DOCK5: variants seen among roughly 807,000 people sequenced by gnomAD.
DOCK5 encodes the protein dedicator of cytokinesis 5.
In DOCK5, 142 loss-of-function variants were observed where a neutral mutation model predicts 251.8. The observed-to-expected ratio is 0.56, with a 90% CI of 0.49 to 0.65. The LOEUF (loss-of-function observed/expected upper bound fraction) is 0.65. Among genes scored for constraint, DOCK5 ranks in the 30% least tolerant of loss-of-function variants. The probability of loss-of-function intolerance (pLI) is 0.00; values close to 1 mark genes in which losing one functional copy is unlikely to be tolerated. For synonymous variants in DOCK5, 842 were observed against 835.5 expected (o/e 1.01, Z -0.13); for missense variants, 2,111 against 2,312.3 (o/e 0.91, Z 1.79).
At chr8:25,343,981 G>C (rs1030061440) in intron 25 of DOCK5, among the ~76,000 whole-genome samples, 4 of 151,964 alleles carry the variant, frequency 2.6e-5, no homozygotes, top group African/African-American at 9.7e-5. Flanking sequence ...AATTTTTTTT[G>C]TAATCTTAGT....
intron 1 of DOCK5, among the ~76,000 whole-genome samples, chr8:25,205,629 A>G (rs1172023605): frequency 1.3e-5 from 2 of 152,192 alleles, no homozygotes; most frequent in African/African-American, 4.8e-5. Flanking sequence ...CATCAGATAC[A>G]TGCCTTTAGC....
intron 1 of DOCK5, among the ~76,000 whole-genome samples, chr8:25,213,229 C>T (rs550006619): frequency 3.9e-4 from 60 of 151,956 alleles, no homozygotes; most frequent in Admixed American, 9.8e-4. Context: ...CAGCCTCAGC[C>T]TCAAATGAAT....
In DOCK5 at chr8:25,205,032, A is replaced by T. The variant is rs112514887; in HGVS notation, c.43+20081A>T. Among the ~76,000 whole-genome samples, 323 of 102,814 alleles carry T rather than the reference A, an allele frequency of 3.1e-3. 2 individuals are homozygous for T. Among genetic ancestry groups the T allele is most frequent in the African/African-American group, 6.9e-3 (243 of 35,028 alleles). 67.4% of individuals were successfully genotyped at this position (102,814 alleles called of 152,430 possible). Reference sequence around the variant, plus strand: ...TCATGAGGGGATTAGTGCTTTTTTTAAAAAAAATTATTTTTAAAAATGTCT... The same window carrying T: ...TCATGAGGGGATTAGTGCTTTTTTTTAAAAAAATTATTTTTAAAAATGTCT... On this transcript the variant is annotated intron_variant, in intron 1 of 51. Transcript: ENST00000276440.
intron 50 of DOCK5, 124 bp downstream of exon 50, chr8:25,409,064 C>T (rs997877639): frequency 1.2e-5 from 17 of 1,391,860 alleles, no homozygotes; most frequent in African/African-American, 2.9e-5. Context: ...GGTTCAATTT[C>T]GTGTTCGTGT....
chr8:25,369,780 T>C lies in DOCK5; in HGVS notation c.3524+139T>C, dbSNP rs1245398572. The C allele has an allele frequency of 7.7e-6, 5 of 653,254 alleles. No individual in the cohort carries two copies. The African/African-American group carries it at 9.2e-5, about 12-fold the overall frequency. The allele number at this position is 653,254 out of a possible 1,614,324, so 40.5% of individuals were successfully genotyped here. The stretch of plus-strand genomic sequence containing the variant: ...ACCCCCACTGTGGTCTTCAGTATGG[T>C]TATGGGGTGTATACTGTCCACAGCT... On this transcript the variant is annotated intron_variant, in intron 34 of 51. Coordinates refer to ENST00000276440, the MANE Select transcript of DOCK5 (RefSeq NM_024940.8).
At chr8:25,371,676 G>A (rs1800875465) in intron 34 of DOCK5, among the ~76,000 whole-genome samples, 2 of 152,076 alleles carry the variant, frequency 1.3e-5, no homozygotes, top group Admixed American at 1.3e-4. Flanking sequence ...ATGAAGTTAT[G>A]CACATATACA....
intron 26 of DOCK5, among the ~76,000 whole-genome samples, chr8:25,350,072 TAGGATG>T (rs1201696366): frequency 6.6e-6 from 1 of 152,154 alleles, no homozygotes; most frequent in Non-Finnish European, 1.5e-5. Flanking sequence ...GTGTCGGTTA[TAGGATG>T]AGCAAGTTCT....
Position 25,228,321 on chromosome 8 carries a change from A to G in DOCK5, c.44-15353A>G, listed in dbSNP as rs78527990. Among the ~76,000 whole-genome samples, 106 of 152,342 alleles carry G rather than the reference A, an allele frequency of 7.0e-4. 1 individual carries two copies. In the East Asian group the frequency reaches 0.02, roughly 29 times the overall value. ...CTGTCTAACTTAATACCCATACATGATGCAGGATAGGTGTGTCCCCAAATT... is the reference window on the plus strand; with the variant it reads ...CTGTCTAACTTAATACCCATACATGGTGCAGGATAGGTGTGTCCCCAAATT... On this transcript the variant is annotated intron_variant, in intron 1 of 51. Coordinates refer to ENST00000276440, the MANE Select transcript of DOCK5 (RefSeq NM_024940.8).
intron 18 of DOCK5, among the ~76,000 whole-genome samples, chr8:25,328,379 A>G (rs1404526570): frequency 6.6e-6 from 1 of 152,184 alleles, no homozygotes; most frequent in Non-Finnish European, 1.5e-5. Context: ...AAAGACGGAG[A>G]CTTGGCAAAG....
At chr8:25,196,080 TA>T (rs1284905962) in intron 1 of DOCK5, among the ~76,000 whole-genome samples, 2 of 152,218 alleles carry the variant, frequency 1.3e-5, no homozygotes, top group Non-Finnish European at 2.9e-5. Flanking sequence ...ATAGATTTAA[TA>T]AACTGCATAA....
chr8:25,345,281 T>G (rs1800339777), intron 25 of DOCK5, 194 bp from the exon 26 acceptor site: 1 of 467,596 alleles, frequency 2.1e-6, no homozygotes, highest in African/African-American at 1.9e-5. Flanking sequence ...TTCATTCATC[T>G]GCGCATTGAA....
chr8:25,278,698 G>A (rs1227428902), intron 5 of DOCK5, 33 bp downstream of exon 5: 1 of 1,599,156 alleles, frequency 6.3e-7, no homozygotes, highest in East Asian at 2.2e-5. Flanking sequence ...GAGCCCCAGG[G>A]TCACTCTGGG....
chr8:25,209,169 G>GTGGGCGTCTA (rs1802072138), intron 1 of DOCK5, among the ~76,000 whole-genome samples: 3 of 99,760 alleles, frequency 3.0e-5, no homozygotes, highest in East Asian at 2.5e-4. Context: ...AGGAGGCTCA[G>GTGGGCGTCTA]AGCACATTAG....
intron 2 of DOCK5, among the ~76,000 whole-genome samples, chr8:25,257,383 CAGCTATTAAATGGCAG>C (rs1426950752): frequency 1.3e-5 from 2 of 152,156 alleles, no homozygotes; most frequent in African/African-American, 4.8e-5. Flanking sequence ...GAAATTCATG[CAGCTATTAAATGGCAG>C]AGCTGTGATT....
chr8:25,199,552 T>G (rs1801829698), intron 1 of DOCK5, among the ~76,000 whole-genome samples: 1 of 152,054 alleles, frequency 6.6e-6, no homozygotes, highest in Admixed American at 6.5e-5. Context: ...CCCGGCTAAT[T>G]TTTGTATTTT....
chr8:25,351,117 GC>G (rs1447206891), intron 26 of DOCK5, among the ~76,000 whole-genome samples: 1 of 151,904 alleles, frequency 6.6e-6, no homozygotes, highest in Non-Finnish European at 1.5e-5. Flanking sequence ...GAGTGCAGTG[GC>G]GTGATCTCAG....
intron 27 of DOCK5, 118 bp downstream of exon 27, chr8:25,351,944 T>C: frequency 1.4e-6 from 1 of 700,020 alleles, no homozygotes; most frequent in East Asian, 2.7e-5. Context: ...TCTCACATCA[T>C]GGGTCATTGG....
chr8:25,377,283 T>G (rs753535680), intron 37 of DOCK5, 22 bp from the exon 38 acceptor site: 1 of 1,600,956 alleles, frequency 6.2e-7, no homozygotes. Context: ...ATTAACCGTG[T>G]GTCGCTTTTC....
At position 25,342,283 on chromosome 8, in the gene DOCK5, G is replaced by A. The variant is rs895244868; in HGVS notation, c.2511-118G>A. On this transcript the variant is annotated intron_variant, in intron 24 of 51. Transcript: ENST00000276440. ...ATGTCATAAACTCTCAGGTCATTTT[G>A]TAGTTTTCCAGGTAAATCTCTCCAT... 23 of 690,612 alleles carry A rather than the reference G, an allele frequency of 3.3e-5. No individual in the cohort carries two copies. The African/African-American group carries it at 4.0e-4, about 12-fold the overall frequency. The allele number at this position is 690,612 out of a possible 1,614,324, so 42.8% of individuals were successfully genotyped here. A position where few individuals can be genotyped will look rare whatever the true frequency, so the allele number is the denominator to read the frequency against.
Sources: allele counts gnomAD v4.1 joint callset (sites outside exome capture counted in the v4.1 genomes callset), GRCh38; gene constraint gnomAD v4.1.1; transcripts MANE v1.5; gene names NCBI Gene and HGNC (gene_info 2026-07-23, HGNC 2026-07-21).